WDR25: variants seen among roughly 807,000 people sequenced by gnomAD.
WDR25 encodes WD repeat-containing protein 25.
Under a neutral mutation model 47.7 loss-of-function variants are expected in WDR25, and 35 were observed. The observed-to-expected ratio is 0.73, with a 90% CI of 0.56 to 0.97. The LOEUF (loss-of-function observed/expected upper bound fraction) is 0.97. Among genes scored for constraint, WDR25 ranks in the 50% least tolerant of loss-of-function variants. The probability of loss-of-function intolerance (pLI) is 0.00; values close to 1 mark genes in which losing one functional copy is unlikely to be tolerated. For synonymous variants in WDR25, 248 were observed against 278.9 expected (o/e 0.89, Z 1.10); for missense variants, 634 against 704.7 (o/e 0.90, Z 1.14).
In WDR25 at chr14:100,381,231, C is replaced by G. The variant is rs373845377; in HGVS notation, c.307C>G (p.Pro103Ala). 2.5e-6 allele frequency: 4 copies of G among 1,613,896 alleles called. No individual in the cohort carries two copies. The highest frequency in any genetic ancestry group is 3.4e-6 in the Non-Finnish European group (4 of 1,179,966). The change falls in exon 2 of 7, where the codon CCT becomes GCT. Residue 103 changes from proline (P) to alanine (A), a missense_variant. Transcript: ENST00000402312. ...SQRLQWPGKE[P>A]QVTFPIKEPS... ...GAGGCTACAGTGGCCCGGGAAGGAG[C>G]CTCAAGTCACCTTCCCCATCAAAGA...
At chr14:100,454,341 G>A in intron 2 of WDR25, 1 of 1,280,382 alleles carries the variant, frequency 7.8e-7, no homozygotes, top group Non-Finnish European at 1.0e-6. Context: ...GAGGTAATGG[G>A]GTAATGGAGT....
chr14:100,519,505 G>T (rs1480140661), intron 4 of WDR25, among the ~76,000 whole-genome samples: 1 of 151,068 alleles, frequency 6.6e-6, no homozygotes, highest in Non-Finnish European at 1.5e-5. Context: ...GTGTGATTTG[G>T]ATCATATATG....
At chr14:100,477,455 G>A (rs1474718277) in intron 3 of WDR25, among the ~76,000 whole-genome samples, 1 of 152,202 alleles carries the variant, frequency 6.6e-6, no homozygotes, top group African/African-American at 2.4e-5. Flanking sequence ...TAAGCATACA[G>A]TGAATAAACA....
intron 2 of WDR25, among the ~76,000 whole-genome samples, chr14:100,427,372 C>T (rs747836683): frequency 6.6e-6 from 1 of 152,200 alleles, no homozygotes. Context: ...AAATGTATCC[C>T]GTTCACCATG....
At chr14:100,420,266 C>G (rs1317138943) in intron 2 of WDR25, among the ~76,000 whole-genome samples, 1 of 152,264 alleles carries the variant, frequency 6.6e-6, no homozygotes, top group Admixed American at 6.5e-5. Context: ...TCCAGGCCCA[C>G]AGCAAGTAAC....
chr14:100,466,273 C>T (rs1595118043), intron 2 of WDR25, among the ~76,000 whole-genome samples: 1 of 152,254 alleles, frequency 6.6e-6, no homozygotes, highest in South Asian at 2.1e-4. Context: ...TTTTTGAAGG[C>T]TACTCTTGAC....
rs565540943 is a variant in WDR25, at chr14:100,432,173, T to G, written c.823-35848T>G. ...ATAGGAGCACTAAGGAGAATTCAGG[T>G]GTTTCATTCTCATCTTACTTAGGTT... On this transcript the variant is annotated intron_variant, in intron 2 of 6. Coordinates refer to ENST00000402312, the MANE Select transcript of WDR25 (RefSeq NM_001161476.3). Among the ~76,000 whole-genome samples the G allele has an allele frequency of 2.0e-5, 3 of 152,320 alleles. No individual in the cohort carries two copies. The East Asian group carries it at 5.8e-4, about 29-fold the overall frequency.
intron 2 of WDR25, among the ~76,000 whole-genome samples, chr14:100,411,693 C>T (rs1897713241): frequency 6.6e-6 from 1 of 152,112 alleles, no homozygotes; most frequent in Admixed American, 6.5e-5. Flanking sequence ...CCCGCCACCA[C>T]ACCCAGCAAA....
intron 2 of WDR25, among the ~76,000 whole-genome samples, chr14:100,387,798 G>A (rs1897052189): frequency 6.6e-6 from 1 of 152,222 alleles, no homozygotes; most frequent in South Asian, 2.1e-4. Context: ...ATGGAAAAGC[G>A]CATCCCCTTC....
chr14:100,483,078 T>G (rs1392232691), intron 3 of WDR25, among the ~76,000 whole-genome samples: 1 of 152,184 alleles, frequency 6.6e-6, no homozygotes, highest in African/African-American at 2.4e-5. Flanking sequence ...AAGGCCAGTC[T>G]GCCTTCTTGA....
At chr14:100,388,322 T>C (rs762648768) in intron 2 of WDR25, among the ~76,000 whole-genome samples, 13 of 152,222 alleles carry the variant, frequency 8.5e-5, no homozygotes, top group Non-Finnish European at 1.3e-4. Flanking sequence ...GATGTGTGTG[T>C]GCGCATGTGC....
intron 2 of WDR25, among the ~76,000 whole-genome samples, chr14:100,464,972 C>T (rs1899574821): frequency 6.6e-6 from 1 of 151,178 alleles, no homozygotes; most frequent in Admixed American, 6.6e-5. Context: ...TACCCCATCT[C>T]ATCTCCCCTG....
chr14:100,450,294 G>A lies in WDR25; in HGVS notation c.823-17727G>A, dbSNP rs1295268673. On this transcript the variant is annotated intron_variant, in intron 2 of 6. Transcript: ENST00000402312. Reference sequence around the variant, plus strand: ...GGCTGTGTGACTATGCCTTGCTCAGGCCCTCCCCACCTCACCCCTTCCTCT... The same window carrying A: ...GGCTGTGTGACTATGCCTTGCTCAGACCCTCCCCACCTCACCCCTTCCTCT... Among the ~76,000 whole-genome samples the A allele has an allele frequency of 3.9e-5, 6 of 152,194 alleles. No homozygotes were observed. In the South Asian group the frequency reaches 6.2e-4, roughly 16 times the overall value.
intron 2 of WDR25, among the ~76,000 whole-genome samples, chr14:100,459,880 A>ATGTGTG (rs1279093956): frequency 1.3e-4 from 9 of 71,722 alleles, no homozygotes; most frequent in African/African-American, 6.7e-4. Flanking sequence ...ATATATCCGT[A>ATGTGTG]TATGTGTGTG....
At chr14:100,388,617 C>T (rs1897070775) in intron 2 of WDR25, among the ~76,000 whole-genome samples, 1 of 152,152 alleles carries the variant, frequency 6.6e-6, no homozygotes, top group Non-Finnish European at 1.5e-5. Flanking sequence ...TTTTGACACT[C>T]CTCCTCCCCC....
chr14:100,420,526 T>C (rs1897996752), intron 2 of WDR25, among the ~76,000 whole-genome samples: 1 of 152,244 alleles, frequency 6.6e-6, no homozygotes, highest in African/African-American at 2.4e-5. Context: ...GCAGTGATCA[T>C]CTTTATGTAC....
intron 4 of WDR25, among the ~76,000 whole-genome samples, chr14:100,517,802 C>G (rs1901556004): frequency 6.6e-6 from 1 of 152,194 alleles, no homozygotes; most frequent in Non-Finnish European, 1.5e-5. Flanking sequence ...TGAGGTTGCA[C>G]CACTGCACTG....
intron 2 of WDR25, among the ~76,000 whole-genome samples, chr14:100,457,336 G>A (rs898532440): frequency 1.3e-5 from 2 of 152,196 alleles, no homozygotes; most frequent in African/African-American, 2.4e-5. Flanking sequence ...ACATACAGAG[G>A]AGCAAAGACG....
At chr14:100,395,901 GT>G (rs1897248211) in intron 2 of WDR25, among the ~76,000 whole-genome samples, 1 of 151,588 alleles carries the variant, frequency 6.6e-6, no homozygotes, top group Non-Finnish European at 1.5e-5. Flanking sequence ...ATGTCGCCAG[GT>G]TTGTGAAAGG....
Sources: allele counts gnomAD v4.1 joint callset (sites outside exome capture counted in the v4.1 genomes callset), GRCh38; gene constraint gnomAD v4.1.1; transcripts MANE v1.5; gene names NCBI Gene and HGNC (gene_info 2026-07-23, HGNC 2026-07-21).